CRB1: variants seen among roughly 807,000 people sequenced by gnomAD.
CRB1 encodes protein crumbs homolog 1.
A neutral mutation model predicts 120.0 loss-of-function variants in CRB1; 83 were observed. The observed-to-expected ratio is 0.69, with a 90% CI of 0.58 to 0.83. The LOEUF is 0.83. CRB1 is among the 40% of genes least tolerant of loss of function. The probability of loss-of-function intolerance (pLI) is 0.00; values close to 1 mark genes in which losing one functional copy is unlikely to be tolerated. For synonymous variants in CRB1, 625 were observed against 612.5 expected (o/e 1.02, Z -0.30); for missense variants, 1,699 against 1,687.6 (o/e 1.01, Z -0.12).
chr1:197,208,999 A>C, the CRB1 span, among the ~76,000 whole-genome samples: 1 of 152,098 alleles, frequency 6.6e-6, no homozygotes, highest in Non-Finnish European at 1.5e-5. Context: ...GTCACCAAGA[A>C]AGTGAGAGAA....
At chr1:197,464,886 T>C (rs1666687666) in intron 11 of CRB1, among the ~76,000 whole-genome samples, 1 of 152,228 alleles carries the variant, frequency 6.6e-6, no homozygotes, top group Non-Finnish European at 1.5e-5. Flanking sequence ...ATCTTCATTT[T>C]ATTAAAACAG....
chr1:197,360,874 T>C (rs1037115617), intron 5 of CRB1, among the ~76,000 whole-genome samples: 5 of 152,212 alleles, frequency 3.3e-5, no homozygotes, highest in Non-Finnish European at 7.3e-5. Flanking sequence ...AAGCATTCAG[T>C]CTTTTACCAT....
intron 10 of CRB1, 123 bp from the exon 11 acceptor site, chr1:197,442,039 AAAGT>A (rs1319007061): frequency 9.5e-7 from 1 of 1,048,992 alleles, no homozygotes; most frequent in Non-Finnish European, 1.5e-6. Context: ...AAGTATGTAT[AAAGT>A]ATGTGTGGAT....
chr1:197,428,040 C>T, intron 7 of CRB1, 39 bp downstream of exon 7: 1 of 1,559,756 alleles, frequency 6.4e-7, no homozygotes. Context: ...ATACTGTATG[C>T]TAAACTTTTA....
chr1:197,227,905 A>G, the CRB1 span, among the ~76,000 whole-genome samples: 92 of 152,250 alleles, frequency 6.0e-4, no homozygotes, highest in African/African-American at 2.1e-3. Context: ...TCAATTCTTG[A>G]CTTCTGTGCA....
chr1:197,233,539 C>T, the CRB1 span, among the ~76,000 whole-genome samples: 1 of 152,204 alleles, frequency 6.6e-6, no homozygotes, highest in Non-Finnish European at 1.5e-5. Context: ...TTACTGATAG[C>T]ATGACCCAGG....
At chr1:197,307,070 G>A (rs1233429291) in intron 1 of CRB1, among the ~76,000 whole-genome samples, 1 of 152,006 alleles carries the variant, frequency 6.6e-6, no homozygotes, top group East Asian at 1.9e-4. Context: ...AATATAAGTG[G>A]TACCTGTAGG....
chr1:197,371,773 A>G (rs1029431254), intron 5 of CRB1, among the ~76,000 whole-genome samples: 3 of 152,150 alleles, frequency 2.0e-5, no homozygotes, highest in Admixed American at 6.5e-5. Context: ...CAACTGATGA[A>G]CATCAAGTTG....
chr1:197,374,916 AAAC>A (rs1661565371), intron 5 of CRB1, among the ~76,000 whole-genome samples: 1 of 152,094 alleles, frequency 6.6e-6, no homozygotes, highest in Non-Finnish European at 1.5e-5. Flanking sequence ...GGAGAGCTAG[AAAC>A]AACCAAGGCA....
At chr1:197,387,539 A>G (rs1662279914) in intron 5 of CRB1, among the ~76,000 whole-genome samples, 2 of 151,988 alleles carry the variant, frequency 1.3e-5, no homozygotes, top group Non-Finnish European at 2.9e-5. Context: ...TTGGAGCTAT[A>G]TTTGATTTTG....
At chr1:197,220,600 C>G in the CRB1 span, among the ~76,000 whole-genome samples, 1 of 152,126 alleles carries the variant, frequency 6.6e-6, no homozygotes, top group Non-Finnish European at 1.5e-5. Flanking sequence ...TCAATGACAG[C>G]TAATGTTTGG....
chr1:197,336,710 G>A (rs1659176923), intron 2 of CRB1, among the ~76,000 whole-genome samples: 1 of 152,148 alleles, frequency 6.6e-6, no homozygotes, highest in African/African-American at 2.4e-5. Flanking sequence ...AGATGTAAAA[G>A]TGACTAAGAT....
chr1:197,394,822 G>T (rs1662691617), intron 5 of CRB1, among the ~76,000 whole-genome samples: 1 of 151,876 alleles, frequency 6.6e-6, no homozygotes, highest in Non-Finnish European at 1.5e-5. Context: ...TATTCAGCAG[G>T]GAGTCTAAAC....
chr1:197,408,406 A>G, intron 5 of CRB1, among the ~76,000 whole-genome samples: 1 of 152,208 alleles, frequency 6.6e-6, no homozygotes, highest in East Asian at 1.9e-4. Flanking sequence ...TTTTAATACA[A>G]CCATTTATGC....
the CRB1 span, among the ~76,000 whole-genome samples, chr1:197,256,930 TGC>T: frequency 1.0e-4 from 11 of 108,388 alleles, no homozygotes; most frequent in East Asian, 2.1e-3. Context: ...CTATAGGATT[TGC>T]GTGTGTGTGT....
chr1:197,344,070 A>G (rs1224269136), intron 2 of CRB1, among the ~76,000 whole-genome samples: 1 of 152,242 alleles, frequency 6.6e-6, no homozygotes, highest in East Asian at 1.9e-4. Flanking sequence ...AAGCTGTTGT[A>G]TGCAATAATT....
intron 8 of CRB1, among the ~76,000 whole-genome samples, chr1:197,430,090 T>C (rs1180917635): frequency 2.0e-5 from 3 of 152,338 alleles, no homozygotes; most frequent in Admixed American, 2.0e-4. Context: ...TAATCAAACA[T>C]GTTAGGCACT....
intron 1 of CRB1, among the ~76,000 whole-genome samples, chr1:197,289,944 C>T (rs1656070935): frequency 6.6e-6 from 1 of 151,130 alleles, no homozygotes; most frequent in Non-Finnish European, 1.5e-5. Flanking sequence ...ATATCTGTAG[C>T]TATTTAAGTA....
chr1:197,252,943 C>T, the CRB1 span, among the ~76,000 whole-genome samples: 3 of 151,916 alleles, frequency 2.0e-5, no homozygotes, highest in Non-Finnish European at 2.9e-5. Flanking sequence ...ATCTTCTTTA[C>T]TCAGATTATC....
Sources: gnomAD v4.1 joint callset for allele counts (sites outside exome capture counted in the v4.1 genomes callset) on GRCh38, gnomAD v4.1.1 for gene constraint, MANE v1.5 for transcripts, NCBI Gene and HGNC (gene_info 2026-07-23, HGNC 2026-07-21) for gene names.